Variants in TOX observed in about 807,000 individuals in gnomAD.
The protein encoded by TOX is thymocyte selection-associated high mobility group box protein TOX.
Under a neutral mutation model 53.7 loss-of-function variants are expected in TOX, and 11 were observed. The observed-to-expected ratio is 0.20, with a 90% CI of 0.13 to 0.34. TOX has a LOEUF of 0.34. TOX is among the 10% of genes least tolerant of loss of function. TOX has a pLI of 1.00. For missense variants in TOX, 570 were observed against 664.6 expected, an observed-to-expected ratio of 0.86 and a Z score of 1.56; for synonymous variants, 225 against 245.3, an observed-to-expected ratio of 0.92 and a Z score of 0.77.
chr8:59,063,898 A>G (rs1265605605), intron 1 of TOX, among the ~76,000 whole-genome samples: 1 of 151,302 alleles, frequency 6.6e-6, no homozygotes, highest in Non-Finnish European at 1.5e-5. Flanking sequence ...TAAATCATGT[A>G]TGTGTGTGTG....
intron 1 of TOX, among the ~76,000 whole-genome samples, chr8:59,005,992 T>C (rs1440704844): frequency 1.3e-5 from 2 of 152,244 alleles, no homozygotes; most frequent in African/African-American, 4.8e-5. Context: ...CTGCTGTCCA[T>C]GCCTCAGTTT....
At chr8:58,815,204 T>C (rs1453950255) in intron 7 of TOX, 134 bp downstream of exon 7, 4 of 1,188,124 alleles carry the variant, frequency 3.4e-6, no homozygotes, top group South Asian at 4.5e-5. Flanking sequence ...ATATCTTTAG[T>C]GCTCTCTTGA....
intron 1 of TOX, among the ~76,000 whole-genome samples, chr8:59,114,265 A>C (rs933854290): frequency 4.6e-5 from 7 of 152,250 alleles, no homozygotes; most frequent in Non-Finnish European, 1.0e-4. Flanking sequence ...AATATATGAT[A>C]AACTGTGAGA....
intron 3 of TOX, among the ~76,000 whole-genome samples, chr8:58,875,974 T>C (rs1448545): frequency 0.22 from 32,755 of 152,152 alleles, 3,801 homozygotes; most frequent in African/African-American, 0.29. Flanking sequence ...TAAGACAGAC[T>C]GATCTGGTCC....
At chr8:59,022,025 A>C (rs529869475) in intron 1 of TOX, among the ~76,000 whole-genome samples, 1 of 152,178 alleles carries the variant, frequency 6.6e-6, no homozygotes, top group Non-Finnish European at 1.5e-5. Context: ...TGAAGGGATT[A>C]TTACAGAAAC....
intron 1 of TOX, among the ~76,000 whole-genome samples, chr8:59,029,316 G>A (rs1373395188): frequency 6.7e-6 from 1 of 148,644 alleles, no homozygotes; most frequent in African/African-American, 2.5e-5. Flanking sequence ...CTGCCAGCAT[G>A]TACAACGTGA....
intron 1 of TOX, among the ~76,000 whole-genome samples, chr8:59,031,292 T>C (rs974767068): frequency 6.6e-6 from 1 of 152,220 alleles, no homozygotes; most frequent in African/African-American, 2.4e-5. Context: ...TCATTGAGCT[T>C]GAAAACTTCT....
intron 3 of TOX, among the ~76,000 whole-genome samples, chr8:58,926,004 G>A (rs542991019): frequency 6.6e-4 from 101 of 152,212 alleles, no homozygotes; most frequent in Admixed American, 4.6e-3. Context: ...AATCCATCCC[G>A]GACTAAACTC....
Position 58,851,104 on chromosome 8 carries a change from G to A in TOX, c.693+420C>T, listed in dbSNP as rs1810806927. ...CCTCAATATGAAATGGTTGGGTCAG[G>A]TGGCCACAAAGGTTTCATGTAACAT... On this transcript the variant is annotated intron_variant, in intron 4 of 8. Coordinates refer to ENST00000361421, the MANE Select transcript of TOX (RefSeq NM_014729.3). This position sits in a 1 kb window ranked among gnomAD's most constrained non-coding sequence, Gnocchi z 4.4. Among the ~76,000 whole-genome samples the A allele has an allele frequency of 6.6e-6, 1 of 151,548 alleles. No homozygotes were observed. The highest frequency in any genetic ancestry group is 1.9e-4 in the East Asian group (1 of 5,148).
intron 1 of TOX, among the ~76,000 whole-genome samples, chr8:59,073,403 A>T (rs1341951295): frequency 2.0e-5 from 3 of 152,204 alleles, no homozygotes; most frequent in Non-Finnish European, 4.4e-5. Context: ...CAACAGCAAT[A>T]ACAAATATCC....
intron 1 of TOX, among the ~76,000 whole-genome samples, chr8:58,968,597 T>C (rs1301001408): frequency 6.6e-6 from 1 of 152,218 alleles, no homozygotes; most frequent in Non-Finnish European, 1.5e-5. Context: ...AGTACCTAAA[T>C]TCAACATAGA....
At chr8:59,012,120 T>G (rs1177880098) in intron 1 of TOX, among the ~76,000 whole-genome samples, 1 of 152,290 alleles carries the variant, frequency 6.6e-6, no homozygotes, top group Middle Eastern at 3.4e-3. Context: ...TTTTGTCTCT[T>G]TGATGTGGCT....
At chr8:58,887,477 A>C (rs1811488444) in intron 3 of TOX, among the ~76,000 whole-genome samples, 1 of 151,806 alleles carries the variant, frequency 6.6e-6, no homozygotes, top group African/African-American at 2.4e-5. Context: ...TTTTCTTTCT[A>C]TCTTTTCTCA....
intron 4 of TOX, among the ~76,000 whole-genome samples, chr8:58,840,663 AT>A (rs1810628635): frequency 1.3e-5 from 2 of 151,900 alleles, no homozygotes; most frequent in East Asian, 1.9e-4. Flanking sequence ...AACAAGCAAA[AT>A]TTTTCTGTGC....
rs72649470 is a variant in TOX, at chr8:58,854,878, T to C, written c.412-3073A>G. Among the ~76,000 whole-genome samples the C allele has an allele frequency of 6.2e-3, 939 of 152,260 alleles. 11 individuals are homozygous for C. Among genetic ancestry groups the C allele is most frequent in the Admixed American group, 8.7e-3 (133 of 15,284 alleles). On this transcript the variant is annotated intron_variant, in intron 3 of 8. Transcript: ENST00000361421. The stretch of plus-strand genomic sequence containing the variant: ...GTATTAATCACTGCCTAATGTATAA[T>C]ATGGGGAAAATTAAACTCGATAAAG...
At chr8:59,103,031 A>T (rs192853739) in intron 1 of TOX, among the ~76,000 whole-genome samples, 41 of 152,280 alleles carry the variant, frequency 2.7e-4, no homozygotes, top group African/African-American at 9.1e-4. Context: ...ATCACTAAAC[A>T]TCATCAGTTT....
intron 5 of TOX, among the ~76,000 whole-genome samples, chr8:58,834,979 G>A (rs565363205): frequency 9.2e-5 from 14 of 152,046 alleles, no homozygotes; most frequent in Non-Finnish European, 2.1e-4. Flanking sequence ...GTCATCCCAA[G>A]GCCTTGTTTT....
At chr8:59,069,660 T>C (rs1804158162) in intron 1 of TOX, among the ~76,000 whole-genome samples, 1 of 152,116 alleles carries the variant, frequency 6.6e-6, no homozygotes, top group Non-Finnish European at 1.5e-5. Flanking sequence ...CCATCAGAGA[T>C]AGCGCCAAAA....
At chr8:59,110,794 C>T (rs751686761) in intron 1 of TOX, among the ~76,000 whole-genome samples, 29 of 151,910 alleles carry the variant, frequency 1.9e-4, no homozygotes, top group Non-Finnish European at 3.2e-4. Flanking sequence ...ACAGAGACCC[C>T]ATTTTCCCAA....
Sources: allele counts gnomAD v4.1 joint callset (sites outside exome capture counted in the v4.1 genomes callset), GRCh38; gene constraint gnomAD v4.1.1; non-coding constraint Gnocchi (gnomAD v3.1); transcripts MANE v1.5; gene names NCBI Gene and HGNC (gene_info 2026-07-23, HGNC 2026-07-21).